Variants in PON3 observed in about 807,000 individuals in gnomAD.
PON3 encodes the protein paraoxonase 3.
Under a neutral mutation model 36.3 loss-of-function variants are expected in PON3, and 37 were observed. The ratio of observed to expected loss-of-function variants is 1.02; its 90% CI spans 0.78 to 1.34. The LOEUF (loss-of-function observed/expected upper bound fraction) is 1.34, where lower values mean the gene tolerates loss of function less well. Ranked by LOEUF, PON3 falls within the 40% of genes most tolerant of loss-of-function variation. The probability of loss-of-function intolerance (pLI) is 0.00; values close to 1 mark genes in which losing one functional copy is unlikely to be tolerated. For synonymous variants in PON3, 155 were observed against 154.8 expected (o/e 1.00, Z -0.01); for missense variants, 415 against 426.5 (o/e 0.97, Z 0.24).
At chr7:95,382,331 A>T (rs1486538104) in intron 3 of PON3, among the ~76,000 whole-genome samples, 3 of 152,232 alleles carry the variant, frequency 2.0e-5, no homozygotes, top group Non-Finnish European at 4.4e-5. Context: ...AAGCTAGCAG[A>T]AGACAAGAAA....
intron 3 of PON3, among the ~76,000 whole-genome samples, chr7:95,378,271 C>T (rs977386175): frequency 1.3e-5 from 2 of 152,170 alleles, no homozygotes; most frequent in South Asian, 2.1e-4. Context: ...ACCAAATCTA[C>T]GTTTGATTGG....
At chr7:95,371,629 T>C (rs1028991934) in intron 4 of PON3, among the ~76,000 whole-genome samples, 7 of 152,174 alleles carry the variant, frequency 4.6e-5, no homozygotes, top group African/African-American at 1.4e-4. Flanking sequence ...CTTTGTCCAT[T>C]TTTAAATTAC....
chr7:95,363,638 A>G, intron 6 of PON3: 1 of 577,798 alleles, frequency 1.7e-6, no homozygotes, highest in Non-Finnish European at 3.1e-6. Flanking sequence ...TGAGGTCCTT[A>G]TATCCTTAAG....
intron 4 of PON3, among the ~76,000 whole-genome samples, chr7:95,369,458 T>C (rs570307230): frequency 6.6e-6 from 1 of 152,162 alleles, no homozygotes; most frequent in East Asian, 1.9e-4. Context: ...AAAATTCCTA[T>C]CCTTTAACAT....
At chr7:95,392,327 G>A (rs562831431) in intron 2 of PON3, among the ~76,000 whole-genome samples, 7 of 152,236 alleles carry the variant, frequency 4.6e-5, no homozygotes, top group African/African-American at 1.4e-4. Context: ...AAAATATTTG[G>A]CAAATCAGAA....
At chr7:95,381,736 TC>T (rs1809059745) in intron 3 of PON3, among the ~76,000 whole-genome samples, 1 of 152,070 alleles carries the variant, frequency 6.6e-6, no homozygotes, top group Non-Finnish European at 1.5e-5. Context: ...AGACTTAGAC[TC>T]CCACACAACA....
chr7:95,381,217 AG>A (rs1809045805), intron 3 of PON3, among the ~76,000 whole-genome samples: 1 of 152,366 alleles, frequency 6.6e-6, no homozygotes, highest in African/African-American at 2.4e-5. Flanking sequence ...AAACATGGAA[AG>A]GAACAACCAG....
intron 5 of PON3, chr7:95,365,493 T>G (rs554568064): frequency 6.6e-6 from 1 of 152,386 alleles, no homozygotes; most frequent in East Asian, 1.9e-4. Context: ...CTTTTTCTCC[T>G]TGACCAGATT....
chr7:95,372,412 C>A (rs931780282), intron 3 of PON3, 74 bp from the exon 4 acceptor site: 8 of 1,507,920 alleles, frequency 5.3e-6, no homozygotes, highest in Admixed American at 3.6e-5. Context: ...TTTAAAATCT[C>A]AAAGCCAAAT....
chr7:95,372,125 T>C (rs1037823046), intron 4 of PON3, 48 bp downstream of exon 4: 2 of 1,568,364 alleles, frequency 1.3e-6, no homozygotes, highest in African/African-American at 2.7e-5. Flanking sequence ...AGATAAATGG[T>C]TTCTATTTCC....
At chr7:95,362,707 T>A in intron 7 of PON3, 53 bp downstream of exon 7, 1 of 1,484,836 alleles carries the variant, frequency 6.7e-7, no homozygotes, top group African/African-American at 1.4e-5. Context: ...CTGGGTCAAG[T>A]ATGGGACTAA....
At chr7:95,377,503 A>G in intron 3 of PON3, 1 of 371,898 alleles carries the variant, frequency 2.7e-6, no homozygotes, top group Non-Finnish European at 5.4e-6. Context: ...CCTGACTGGG[A>G]GACACCTCCC....
At chr7:95,363,073 A>G (rs182338909) in intron 6 of PON3, among the ~76,000 whole-genome samples, 2 of 152,294 alleles carry the variant, frequency 1.3e-5, no homozygotes, top group Admixed American at 1.3e-4. Context: ...TCTAGATGAC[A>G]TATATAGGCT....
At chr7:95,383,656 G>C (rs957517814) in intron 3 of PON3, among the ~76,000 whole-genome samples, 5 of 152,058 alleles carry the variant, frequency 3.3e-5, no homozygotes, top group Admixed American at 6.6e-5. Flanking sequence ...GGGATGTGAA[G>C]GACCTCTTCA....
At chr7:95,396,115 C>T in intron 1 of PON3, 162 bp downstream of exon 1, 1 of 765,332 alleles carries the variant, frequency 1.3e-6, no homozygotes, top group Non-Finnish European at 2.3e-6. Context: ...TCACTTTCCC[C>T]ATAAGCGAGT....
At chr7:95,366,936 A>AAAGCTGT (rs1808707817) in intron 5 of PON3, among the ~76,000 whole-genome samples, 1 of 152,266 alleles carries the variant, frequency 6.6e-6, no homozygotes, top group Non-Finnish European at 1.5e-5. Context: ...ATTCTACTTT[A>AAAGCTGT]AAGCTGTAAT....
chr7:95,363,784 G>T, intron 6 of PON3, 79 bp downstream of exon 6: 3 of 1,367,002 alleles, frequency 2.2e-6, no homozygotes, highest in African/African-American at 2.9e-5. Flanking sequence ...GCCTAAGTAA[G>T]GAAGTAACTT....
At chr7:95,372,447 C>T (rs1000601761) in intron 3 of PON3, 109 bp from the exon 4 acceptor site, 11 of 1,227,054 alleles carry the variant, frequency 9.0e-6, no homozygotes, top group Non-Finnish European at 1.3e-5. Flanking sequence ...TTCTAAATTT[C>T]ATTTAGATTA....
At chr7:95,393,932 T>C (rs1809374429) in intron 2 of PON3, among the ~76,000 whole-genome samples, 2 of 152,124 alleles carry the variant, frequency 1.3e-5, no homozygotes, top group African/African-American at 4.8e-5. Flanking sequence ...TCTCGCTCTG[T>C]CGCCAGGCTG....
Sources: gnomAD v4.1 joint callset for allele counts (sites outside exome capture counted in the v4.1 genomes callset) on GRCh38, gnomAD v4.1.1 for gene constraint, MANE v1.5 for transcripts, NCBI Gene and HGNC (gene_info 2026-07-23, HGNC 2026-07-21) for gene names.